UGGT1: variants seen among roughly 807,000 people sequenced by gnomAD.
UGGT1 encodes UDP-glucose:glycoprotein glucosyltransferase 1.
Under a neutral mutation model 203.9 loss-of-function variants are expected in UGGT1, and 107 were observed. That is an observed-to-expected ratio of 0.52 (90% CI 0.45 to 0.62). The LOEUF is 0.62. Ranked by LOEUF, UGGT1 falls within the 20% of genes least tolerant of loss-of-function variation. The pLI is 0.00. For synonymous variants in UGGT1, 628 were observed against 653.5 expected (o/e 0.96, Z 0.59); for missense variants, 1,673 against 1,867.2 (o/e 0.90, Z 1.92).
chr2:128,120,719 G>T (rs978243933), intron 9 of UGGT1, among the ~76,000 whole-genome samples: 4 of 152,228 alleles, frequency 2.6e-5, no homozygotes, highest in African/African-American at 9.6e-5. Context: ...ACGAGAAGCA[G>T]GTCATAGTCC....
At position 128,117,699 on chromosome 2, in the gene UGGT1, A is replaced by G. The variant is rs186600243; in HGVS notation, c.872+1356A>G. Among the ~76,000 whole-genome samples the G allele has an allele frequency of 1.3e-3, 198 of 151,422 alleles. 2 individuals carry two copies. The highest frequency in any genetic ancestry group is 6.9e-3 in the Middle Eastern group (2 of 290). On this transcript the variant is annotated intron_variant, in intron 8 of 40. Coordinates refer to ENST00000259253, the MANE Select transcript of UGGT1 (RefSeq NM_020120.4). ...GTTGGAACTACAGGCATCCGCCACC[A>G]CACCCGGCTAATTTTTTGTATTTTT...
At chr2:128,181,254 A>T (rs960290740) in intron 36 of UGGT1, among the ~76,000 whole-genome samples, 182 bp downstream of exon 36, 1 of 152,214 alleles carries the variant, frequency 6.6e-6, no homozygotes, top group Non-Finnish European at 1.5e-5. Context: ...TCTCCTTTAC[A>T]TCTTTTTCTC....
chr2:128,152,576 G>A (rs777003759), intron 18 of UGGT1, among the ~76,000 whole-genome samples: 4 of 152,154 alleles, frequency 2.6e-5, no homozygotes, highest in Non-Finnish European at 4.4e-5. Context: ...TCTGCCTCAC[G>A]TTGTTGATAG....
intron 20 of UGGT1, 81 bp downstream of exon 20, chr2:128,155,668 G>A: frequency 1.9e-6 from 2 of 1,066,268 alleles, no homozygotes; most frequent in Non-Finnish European, 2.8e-6. Context: ...TGCAAATTAA[G>A]AGAGAAAAGG....
intron 9 of UGGT1, among the ~76,000 whole-genome samples, chr2:128,120,931 G>C (rs1334711719): frequency 1.3e-5 from 2 of 152,180 alleles, no homozygotes; most frequent in Non-Finnish European, 2.9e-5. Flanking sequence ...ACTTGGGCCT[G>C]ATTTAGCCTG....
Position 128,096,837 on chromosome 2 carries a change from C to A in UGGT1, c.59-592C>A, listed in dbSNP as rs141833411. Among the ~76,000 whole-genome samples the A allele has an allele frequency of 1.7e-3, 264 of 152,288 alleles. 1 individual carries two copies. The highest frequency in any genetic ancestry group is 5.8e-3 in the African/African-American group (241 of 41,562). On this transcript the variant is annotated intron_variant, in intron 1 of 40. Coordinates refer to ENST00000259253, the MANE Select transcript of UGGT1 (RefSeq NM_020120.4). ...TGTGTGCAACCTGGTGTGCCACCAACTGATTTTTATACCCCTGTATGGTGT... is the reference window on the plus strand; with the variant it reads ...TGTGTGCAACCTGGTGTGCCACCAAATGATTTTTATACCCCTGTATGGTGT...
chr2:128,116,282 A>G lies in UGGT1; in HGVS notation c.811A>G (p.Thr271Ala). ...TTTCATAGGAACTGAGGTAAACACC[A>G]CAGTGATTGGTGAAAATGATCCTAT... ...TQVKGTEVNT[T>A]VIGENDPIDE... Residue 271 changes from threonine (T) to alanine (A), a missense_variant, in exon 8 of 41, where the codon ACA becomes GCA. Physicochemically the swap from Thr to Ala is moderately conservative, Grantham distance 58. Around this residue, in one of 4 missense-constraint regions of UGGT1, gnomAD observed 1,073 missense variants for 1,078.7 expected, o/e 0.99. Transcript: ENST00000259253. 1 of 1,607,112 alleles carries G rather than the reference A, an allele frequency of 6.2e-7. No individual in the cohort carries two copies. The highest frequency in any genetic ancestry group is 1.3e-5 in the African/African-American group (1 of 74,938).
At chr2:128,147,611 CT>C (rs371733199) in intron 18 of UGGT1, among the ~76,000 whole-genome samples, 109 of 145,512 alleles carry the variant, frequency 7.5e-4, no homozygotes, top group Admixed American at 9.0e-4. Context: ...TTCTGCATGT[CT>C]TTTTTTTTTT....
intron 2 of UGGT1, among the ~76,000 whole-genome samples, chr2:128,101,442 T>C (rs1385393357): frequency 6.6e-6 from 1 of 152,202 alleles, no homozygotes; most frequent in Admixed American, 6.5e-5. Context: ...TGAAGTGATA[T>C]TTATCTTTAA....
At chr2:128,105,050 A>G (rs535626801) in intron 3 of UGGT1, among the ~76,000 whole-genome samples, 1 of 149,554 alleles carries the variant, frequency 6.7e-6, no homozygotes, top group Non-Finnish European at 1.5e-5. Context: ...TTTAATTATT[A>G]TTTTTTTAAT....
chr2:128,186,733 A>G lies in UGGT1; in HGVS notation c.4410A>G (p.Gln1470=), dbSNP rs1692000465. ...AGGTGCCAATTAAATCCCTCCCTCA[A>G]GAATGGCTTTGGTGTGAAACGTGGT... The part of the protein sequence containing the change: ...IHQVPIKSLP[Q]EWLWCETWCD... Residue 1470 remains glutamine (Q), a synonymous_variant, in exon 39 of 41, where the codon CAA becomes CAG. Coordinates refer to ENST00000259253, the MANE Select transcript of UGGT1 (RefSeq NM_020120.4). 6.2e-7 allele frequency: 1 copy of G among 1,613,876 alleles called. No individual in the cohort carries two copies. The highest frequency in any genetic ancestry group is 8.5e-7 in the Non-Finnish European group (1 of 1,179,876).
At chr2:128,173,998 T>G (rs1691246550) in intron 30 of UGGT1, 59 bp downstream of exon 30, 2 of 1,571,034 alleles carry the variant, frequency 1.3e-6, no homozygotes, top group Admixed American at 3.5e-5. Context: ...GGCACTATAA[T>G]TTATGATGGA....
At chr2:128,146,423 G>A (rs1270195220) in intron 18 of UGGT1, among the ~76,000 whole-genome samples, 3 of 152,042 alleles carry the variant, frequency 2.0e-5, no homozygotes, top group African/African-American at 7.2e-5. Context: ...TCTATATATG[G>A]TAATTTAAAT....
chr2:128,114,719 T>C (rs1277699637), intron 6 of UGGT1, among the ~76,000 whole-genome samples: 2 of 152,244 alleles, frequency 1.3e-5, no homozygotes, highest in East Asian at 3.8e-4. Flanking sequence ...CCATTTCTTA[T>C]GGTTGGGACC....
chr2:128,092,206 A>G (rs1229508064), intron 1 of UGGT1, among the ~76,000 whole-genome samples: 1 of 147,534 alleles, frequency 6.8e-6, no homozygotes, highest in East Asian at 2.0e-4. Context: ...AGCACCACAA[A>G]ACTTGGAATA....
intron 31 of UGGT1, among the ~76,000 whole-genome samples, chr2:128,175,986 G>A (rs934571726): frequency 2.6e-5 from 4 of 152,240 alleles, no homozygotes; most frequent in African/African-American, 9.6e-5. Flanking sequence ...CTGTCTGCCT[G>A]CAAATAGAAT....
intron 17 of UGGT1, among the ~76,000 whole-genome samples, chr2:128,143,668 C>T (rs531751151): frequency 6.6e-6 from 1 of 152,278 alleles, no homozygotes; most frequent in Non-Finnish European, 1.5e-5. Context: ...GTTTCCTAGA[C>T]TTGGCCATCT....
In UGGT1 at chr2:128,120,354, A is replaced by G. The variant is rs764356457; in HGVS notation, c.873-2A>G. ...AAGGACTGATTTTTATGTTTCTTTT[A>G]GAGATCTGCACCCCGACCTGGAGGG... On this transcript the variant is annotated splice_acceptor_variant, in intron 8 of 40. Transcript: ENST00000259253. LOFTEE classifies it high-confidence loss of function. 4 of 1,609,520 alleles carry G rather than the reference A, an allele frequency of 2.5e-6. No individual in the cohort carries two copies. The highest frequency in any genetic ancestry group is 2.5e-6 in the Non-Finnish European group (3 of 1,178,772).
chr2:128,116,670 A>G (rs942023561), intron 8 of UGGT1, among the ~76,000 whole-genome samples: 4 of 152,040 alleles, frequency 2.6e-5, no homozygotes, highest in African/African-American at 9.7e-5. Context: ...GATTACAGGC[A>G]TGCACCACCA....
Sources: allele counts gnomAD v4.1 joint callset (sites outside exome capture counted in the v4.1 genomes callset), GRCh38; gene constraint gnomAD v4.1.1; regional missense constraint gnomAD v4.1.1; transcripts MANE v1.5; gene names NCBI Gene and HGNC (gene_info 2026-07-23, HGNC 2026-07-21).